ZNF469: variants seen among roughly 807,000 people sequenced by gnomAD.
The protein encoded by ZNF469 is zinc finger protein 469.
Under a neutral mutation model 1.0 loss-of-function variants are expected in ZNF469, and 1 was observed. The observed-to-expected ratio is 1.00, with a 90% confidence interval of 0.35 to 4.73. ZNF469 has a LOEUF of 4.73. Ranked by LOEUF, ZNF469 falls within the 30% of genes most tolerant of loss-of-function variation. The pLI is 0.16. For synonymous variants in ZNF469, 2,703 were observed against 2,363.4 expected, an observed-to-expected ratio of 1.14 and a Z score of -4.17; for missense variants, 6,100 against 5,356.3, an observed-to-expected ratio of 1.14 and a Z score of -4.33.
rs578166707 is a variant in ZNF469, at chr16:88,436,255, G to A, written c.8785G>A (p.Glu2929Lys). 63 of 1,549,848 alleles carry A rather than the reference G, an allele frequency of 4.1e-5. No homozygotes were observed. In the Middle Eastern group the frequency reaches 5.2e-4, roughly 13 times the overall value. Residue 2929 changes from glutamate (E) to lysine (K), a missense_variant, in exon 3 of 3, where the codon GAG (glutamate) becomes AAG (lysine). Glu to Lys is a moderately conservative substitution (Grantham distance 56). Coordinates refer to ENST00000565624, the MANE Select transcript of ZNF469 (RefSeq NM_001367624.2). The part of the protein sequence containing the change: ...CLCHEDPWED[E>K]DPAGLPESFL... ...CTGCCATGAGGACCCGTGGGAGGAC[G>A]AGGATCCCGCAGGTCTGCCCGAGTC...
In ZNF469 at chr16:88,438,973, G is replaced by A. The variant is rs574550673; in HGVS notation, c.11503G>A (p.Gly3835Arg). The A allele has an allele frequency of 4.4e-5, 68 of 1,550,334 alleles. No individual in the cohort carries two copies. Among genetic ancestry groups the A allele is most frequent in the Admixed American group, 2.0e-4 (10 of 50,994 alleles). Residue 3835 changes from glycine (G) to arginine (R), a missense_variant, in exon 3 of 3, where the codon GGG (glycine) becomes AGG (arginine). By Grantham distance (125) the Gly-to-Arg change is moderately radical (BLOSUM62 -2). Coordinates refer to ENST00000565624, the MANE Select transcript of ZNF469 (RefSeq NM_001367624.2). ...PARSESVGSF[G>R]RAPSAPDKPP... ...CAGGAGTGAAAGTGTGGGGAGCTTC[G>A]GGAGAGCCCCCTCAGCCCCTGACAA...
At chr16:88,127,340 T>A in the ZNF469 span, among the ~76,000 whole-genome samples, 2 of 152,192 alleles carry the variant, frequency 1.3e-5, no homozygotes, top group African/African-American at 4.8e-5. Context: ...CTAATAGAAT[T>A]CAGCAACGAA....
chr16:88,325,456 T>C, the ZNF469 span, among the ~76,000 whole-genome samples: 1 of 152,210 alleles, frequency 6.6e-6, no homozygotes, highest in Non-Finnish European at 1.5e-5. Context: ...AGCCGCTGAG[T>C]ACCCTGCCCA....
upstream of ZNF469, among the ~76,000 whole-genome samples, chr16:88,380,991 CAG>C (rs146743972): frequency 0.17 from 23,304 of 133,254 alleles, 2,491 homozygotes; most frequent in Middle Eastern, 0.24. Context: ...TGCACTCACA[CAG>C]ACATGCACTC....
chr16:88,317,223 C>T, the ZNF469 span, among the ~76,000 whole-genome samples: 2 of 152,170 alleles, frequency 1.3e-5, no homozygotes, highest in Admixed American at 1.3e-4. Flanking sequence ...AAGCAGTTCC[C>T]AACTGCCTCT....
chr16:88,434,801 T>G lies in ZNF469; in HGVS notation c.7331T>G (p.Leu2444Arg). ...GGGGACCCCCTCGGCCCCCAAGACC[T>G]CAAACAGAGGTCCCGTGGCTATAAA... ...PQGDPLGPQD[L>R]KQRSRGYKKK... The change falls in exon 3 of 3, where the codon CTC becomes CGC. Residue 2444 changes from leucine to arginine, a missense_variant. Coordinates refer to ENST00000565624, the MANE Select transcript of ZNF469 (RefSeq NM_001367624.2). The G allele has an allele frequency of 6.5e-7, 1 of 1,550,006 alleles. No individual in the cohort carries two copies. The highest frequency in any genetic ancestry group is 1.4e-5 in the African/African-American group (1 of 73,044).
chr16:88,281,714 C>T, the ZNF469 span, among the ~76,000 whole-genome samples: 1 of 151,766 alleles, frequency 6.6e-6, no homozygotes, highest in South Asian at 2.1e-4. Flanking sequence ...GATATCAGTG[C>T]ATGGGTTAGT....
the ZNF469 span, among the ~76,000 whole-genome samples, chr16:88,330,311 G>C: frequency 1.2e-4 from 18 of 152,360 alleles, 1 homozygote; most frequent in Admixed American, 8.5e-4. Flanking sequence ...CATTTCTGCT[G>C]TGTGTACTGT....
the ZNF469 span, among the ~76,000 whole-genome samples, chr16:88,200,073 G>C: frequency 6.6e-6 from 1 of 152,142 alleles, no homozygotes; most frequent in African/African-American, 2.4e-5. Context: ...GAGGGCTGGG[G>C]GTCGTGCCCC....
the ZNF469 span, among the ~76,000 whole-genome samples, chr16:88,312,453 T>C: frequency 6.6e-6 from 1 of 152,242 alleles, no homozygotes; most frequent in Admixed American, 6.5e-5. Context: ...TTCTGATATA[T>C]AAGTTGCCAA....
rs1179793195 is a variant in ZNF469 at position 88,435,233 on chromosome 16, C to T, written c.7763C>T (p.Pro2588Leu). ...PTEHEVDVKT[P>L]ASKPRPDQAR... Reference sequence around the variant, plus strand: ...GAGCATGAGGTAGATGTGAAGACTCCGGCCTCCAAGCCCAGACCAGACCAG... The same window carrying T: ...GAGCATGAGGTAGATGTGAAGACTCTGGCCTCCAAGCCCAGACCAGACCAG... Residue 2588 changes from proline (P) to leucine (L), a missense_variant, in exon 3 of 3, where the codon CCG (proline) becomes CTG (leucine). Physicochemically the swap from Pro to Leu is moderately conservative, Grantham distance 98. Transcript: ENST00000565624. 9 of 1,550,220 alleles carry T rather than the reference C, an allele frequency of 5.8e-6. No individual in the cohort carries two copies. Among genetic ancestry groups the T allele is most frequent in the Admixed American group, 2.0e-5 (1 of 50,986 alleles).
At chr16:88,381,855 A>T (rs1398318985), upstream of ZNF469, among the ~76,000 whole-genome samples, 1 of 152,288 alleles carries the variant, frequency 6.6e-6, no homozygotes, top group Non-Finnish European at 1.5e-5. Flanking sequence ...TTCAGGAGGC[A>T]GACCAGATTG....
intron 1 of ZNF469, among the ~76,000 whole-genome samples, chr16:88,417,065 G>T (rs1905320673): frequency 6.6e-6 from 1 of 152,230 alleles, no homozygotes; most frequent in Non-Finnish European, 1.5e-5. Flanking sequence ...GCAGACTTGG[G>T]CACCGCCTGC....
the ZNF469 span, among the ~76,000 whole-genome samples, chr16:88,368,210 G>A: frequency 1.3e-5 from 2 of 152,368 alleles, no homozygotes; most frequent in Non-Finnish European, 2.9e-5. Flanking sequence ...GACAGTGACC[G>A]GGTCTCTGGG....
At chr16:88,251,924 C>T in the ZNF469 span, among the ~76,000 whole-genome samples, 30,694 of 150,514 alleles carry the variant, frequency 0.2, 3,832 homozygotes, top group East Asian at 0.3. Context: ...TTTCCCTGCA[C>T]CTGTGCAACG....
chr16:88,422,281 A>AATGG (rs149579956), intron 1 of ZNF469, among the ~76,000 whole-genome samples: 13,897 of 121,706 alleles, frequency 0.11, 2,391 homozygotes, highest in African/African-American at 0.37. Context: ...ATAGGTGGGT[A>AATGG]ATGGATGGAT....
At chr16:88,130,672 C>T in the ZNF469 span, among the ~76,000 whole-genome samples, 2,674 of 142,912 alleles carry the variant, frequency 0.019, no homozygotes, top group African/African-American at 0.064. Context: ...CGCCATTGCA[C>T]TCCAGCCTGG....
chr16:88,250,556 C>T, the ZNF469 span, among the ~76,000 whole-genome samples: 27 of 152,278 alleles, frequency 1.8e-4, no homozygotes, highest in South Asian at 4.1e-3. Context: ...CATTTCTTCA[C>T]GTATTTTTCA....
chr16:88,372,780 C>T, the ZNF469 span, among the ~76,000 whole-genome samples: 1 of 150,046 alleles, frequency 6.7e-6, no homozygotes, highest in Non-Finnish European at 1.5e-5. Flanking sequence ...ACCATCATCA[C>T]CACCATCATC....
Sources: allele counts gnomAD v4.1 joint callset (sites outside exome capture counted in the v4.1 genomes callset), GRCh38; gene constraint gnomAD v4.1.1; transcripts MANE v1.5; gene names NCBI Gene and HGNC (gene_info 2026-07-23, HGNC 2026-07-21).